The following MCTS1 variants were observed in gnomAD, a reference collection of about 807,000 sequenced individuals.
The protein encoded by MCTS1 is MCTS1 re-initiation and release factor.
For missense variants in MCTS1, 55 were observed against 128.6 expected (o/e 0.43, Z 2.77); for synonymous variants, 26 against 40.8 (o/e 0.64, Z 1.38).
rs1926995628 is a variant in MCTS1 at position 120,620,459 on chromosome X, TACAA to T, written c.*8197_*8200del. 6 of 5,900 alleles carry T rather than the reference TACAA, an allele frequency of 1.0e-3. No homozygotes were observed. The South Asian group carries it at 0.033, about 32-fold the overall frequency. The allele number at this position is 5,900 out of a possible 1,213,427, so 0.5% of individuals were successfully genotyped here. A position where few individuals can be genotyped will look rare whatever the true frequency, so the allele number is the denominator to read the frequency against. On this transcript the variant is annotated 3_prime_UTR_variant, in exon 6 of 6. Transcript: ENST00000371317. ...GGTGAAATCCTGTCTCTACTAAAAA[TACAA>T]AAAAAAAAAAAAAAAAAAAAATTAG...
rs541130604 is a variant in MCTS1 at position 120,612,928 on chromosome X, C to CTTT, written c.*678_*680dup. On this transcript the variant is annotated 3_prime_UTR_variant, in exon 6 of 6. Coordinates refer to ENST00000371317, the MANE Select transcript of MCTS1 (RefSeq NM_014060.3). ...TCATTTCATCCATAACTACTTTATTCTTTTTTTTTTTTTTTTGAAACAGGG... is the reference window on the plus strand; with the variant it reads ...TCATTTCATCCATAACTACTTTATTCTTTTTTTTTTTTTTTTTTTGAAACAGGG... Among the ~76,000 whole-genome samples the CTTT allele has an allele frequency of 1.1e-5, 1 of 93,135 alleles. No individual in the cohort carries two copies. Among genetic ancestry groups the CTTT allele is most frequent in the Non-Finnish European group, 2.1e-5 (1 of 46,688 alleles). The allele number at this position is 93,135 out of a possible 115,157, so 80.9% of individuals were successfully genotyped here.
Position 120,615,106 on chromosome X carries a change from A to AT in MCTS1, c.*2846dup, listed in dbSNP as rs1926810654. Among the ~76,000 whole-genome samples the AT allele has an allele frequency of 1.8e-5, 2 of 111,669 alleles. No homozygotes were observed. Among genetic ancestry groups the AT allele is most frequent in the Admixed American group, 1.9e-4 (2 of 10,428 alleles). On this transcript the variant is annotated 3_prime_UTR_variant, in exon 6 of 6. Transcript: ENST00000371317. ...TCACTCTACATGTGTGATCCTTGTCATTTTCTAAACATTAGGTCATACATG... is the reference window on the plus strand; with the variant it reads ...TCACTCTACATGTGTGATCCTTGTCATTTTTCTAAACATTAGGTCATACATG...
rs913153622 is a variant in MCTS1 at position 120,612,780 on chromosome X, T to C, written c.*516T>C. The stretch of plus-strand genomic sequence containing the variant: ...TAAACATATTAAGAAGTCTGGAGAA[T>C]AGTATAATGGACCTCTCCATATCCA... On this transcript the variant is annotated 3_prime_UTR_variant, in exon 6 of 6. Transcript: ENST00000371317. 7.3e-5 allele frequency among the ~76,000 whole-genome samples: 8 copies of C among 108,978 alleles called. No homozygotes were observed. The highest frequency in any genetic ancestry group is 1.5e-4 in the Non-Finnish European group (8 of 52,550). The allele number at this position is 108,978 out of a possible 115,157, so 94.6% of individuals were successfully genotyped here.
At chrX:120,607,613 T>C (rs995069337) in intron 3 of MCTS1, among the ~76,000 whole-genome samples, 3 of 111,888 alleles carry the variant, frequency 2.7e-5, no homozygotes, top group Non-Finnish European at 5.6e-5. Flanking sequence ...TTTGTAACAA[T>C]TGAACCAGCA....
In MCTS1 at chrX:120,604,435, C is replaced by T. The variant is rs184559610; in HGVS notation, c.11+188C>T. 543 of 594,461 alleles carry T rather than the reference C, an allele frequency of 9.1e-4. 8 individuals carry two copies. In the East Asian group the frequency reaches 0.018, roughly 20 times the overall value. The allele number at this position is 594,461 out of a possible 1,213,427, so 49.0% of individuals were successfully genotyped here. On this transcript the variant is annotated intron_variant, in intron 1 of 5. Transcript: ENST00000371317. ...TTCTTTAAGCTTTCCATCCGTAGTCCTTAATTGGGTTTCAGTCCCTCCACT... is the reference window on the plus strand; with the variant it reads ...TTCTTTAAGCTTTCCATCCGTAGTCTTTAATTGGGTTTCAGTCCCTCCACT...
intron 2 of MCTS1, 46 bp downstream of exon 2, chrX:120,605,605 T>C: frequency 8.9e-7 from 1 of 1,118,889 alleles, no homozygotes; most frequent in Non-Finnish European, 1.2e-6. Context: ...TAGCTGAATA[T>C]TTAATGATTA....
At chrX:120,605,358 A>G (rs369017745) in intron 1 of MCTS1, 49 bp from the exon 2 acceptor site, 4 of 1,086,021 alleles carry the variant, frequency 3.7e-6, no homozygotes. Flanking sequence ...GTATTCTGAT[A>G]CCTCTACTTA....
intron 4 of MCTS1, among the ~76,000 whole-genome samples, chrX:120,609,658 G>A (rs1002062744): frequency 8.9e-5 from 10 of 112,152 alleles, no homozygotes; most frequent in Non-Finnish European, 1.5e-4. Flanking sequence ...AATCAAGGGA[G>A]AAAAGTGAGG....
rs942372666 is a variant in MCTS1, at chrX:120,620,801, G to A, written c.*8537G>A. ...AAAGTCATGCAAGGAGATGGCCTGG[G>A]GCTTGCTAAAAGTCAGGTTGCAGTT... On this transcript the variant is annotated 3_prime_UTR_variant, in exon 6 of 6. Coordinates refer to ENST00000371317, the MANE Select transcript of MCTS1 (RefSeq NM_014060.3). The A allele has an allele frequency of 8.9e-6, 1 of 111,814 alleles. No homozygotes were observed. Among genetic ancestry groups the A allele is most frequent in the African/African-American group, 3.2e-5 (1 of 30,773 alleles). The allele number at this position is 111,814 out of a possible 1,213,427, so 9.2% of individuals were successfully genotyped here. A position where few individuals can be genotyped will look rare whatever the true frequency, so the allele number is the denominator to read the frequency against.
chrX:120,612,493 A>G lies in MCTS1; in HGVS notation c.*229A>G. On this transcript the variant is annotated 3_prime_UTR_variant, in exon 6 of 6. Coordinates refer to ENST00000371317, the MANE Select transcript of MCTS1 (RefSeq NM_014060.3). ...TCTGGTAAGTAAGCAAACTCATACA[A>G]CTAATGTCCTTTCTTAGGCTAATGA... 1 of 323,207 alleles carries G rather than the reference A, an allele frequency of 3.1e-6. No individual in the cohort carries two copies. The highest frequency in any genetic ancestry group is 5.5e-6 in the Non-Finnish European group (1 of 182,913). 26.6% of individuals were successfully genotyped at this position (323,207 alleles called of 1,213,427 possible).
At chrX:120,606,331 G>A (rs898267651) in intron 3 of MCTS1, among the ~76,000 whole-genome samples, 155 bp downstream of exon 3, 5 of 112,164 alleles carry the variant, frequency 4.5e-5, no homozygotes, top group Non-Finnish European at 7.5e-5. Context: ...CACAAAAAGA[G>A]TTTAGAGTGA....
At chrX:120,608,081 C>A (rs1926588598) in intron 3 of MCTS1, 144 bp from the exon 4 acceptor site, 1 of 472,051 alleles carries the variant, frequency 2.1e-6, no homozygotes, top group Non-Finnish European at 3.3e-6. Context: ...AAAAAGATTA[C>A]CAATTTGGTA....
Position 120,613,381 on chromosome X carries a change from T to C in MCTS1, c.*1117T>C, listed in dbSNP as rs750874536. ...TTTAAAAATTAGAAAAACCCCACAA[T>C]ACCATTATCACACCTAAAAAGTTGA... is the stretch of plus-strand genomic sequence containing the variant. On this transcript the variant is annotated 3_prime_UTR_variant, in exon 6 of 6. Coordinates refer to ENST00000371317, the MANE Select transcript of MCTS1 (RefSeq NM_014060.3). 8.9e-6 allele frequency among the ~76,000 whole-genome samples: 1 copy of C among 111,867 alleles called. No individual in the cohort carries two copies. The highest frequency in any genetic ancestry group is 9.5e-5 in the Admixed American group (1 of 10,503).
rs1166542283 is a variant in MCTS1 at position 120,616,522 on chromosome X, G to C, written c.*4258G>C. On this transcript the variant is annotated 3_prime_UTR_variant, in exon 6 of 6. Coordinates refer to ENST00000371317, the MANE Select transcript of MCTS1 (RefSeq NM_014060.3). ...AGATCAGGAATGAATGAAGAAAATTGAGGGCCAGTTTTTAAATCATTGTTG... is the reference window on the plus strand; with the variant it reads ...AGATCAGGAATGAATGAAGAAAATTCAGGGCCAGTTTTTAAATCATTGTTG... 9.0e-6 allele frequency among the ~76,000 whole-genome samples: 1 copy of C among 111,584 alleles called. No individual in the cohort carries two copies. Among genetic ancestry groups the C allele is most frequent in the Non-Finnish European group, 1.9e-5 (1 of 53,151 alleles).
At chrX:120,612,137 T>C (rs770803165) in intron 5 of MCTS1, 46 bp from the exon 6 acceptor site, 4 of 942,360 alleles carry the variant, frequency 4.2e-6, no homozygotes. Context: ...AGTAAGACTA[T>C]AAAAATGCAT....
Position 120,612,687 on chromosome X carries a change from A to ATG in MCTS1, c.*447_*448dup, listed in dbSNP as rs66864093. Among the ~76,000 whole-genome samples, 1,253 of 93,637 alleles carry ATG rather than the reference A, an allele frequency of 0.013. 12 individuals carry two copies. Among genetic ancestry groups the ATG allele is most frequent in the Non-Finnish European group, 0.018 (812 of 45,942 alleles). The allele number at this position is 93,637 out of a possible 115,157, so 81.3% of individuals were successfully genotyped here. On this transcript the variant is annotated 3_prime_UTR_variant, in exon 6 of 6. Transcript: ENST00000371317. ...TGTGTGTGTGTGTGTGTGTGTGTGT[A>ATG]TGTGTGTGTGTGTGTGTGTGTGTGT...
At chrX:120,606,740 C>T (rs1393210233) in intron 3 of MCTS1, among the ~76,000 whole-genome samples, 1 of 102,561 alleles carries the variant, frequency 9.8e-6, no homozygotes, top group East Asian at 3.0e-4. Flanking sequence ...GCAGAGATCA[C>T]GCCATTGCAC....
At position 120,619,510 on chromosome X, in the gene MCTS1, T is replaced by A. The variant is rs1258165833; in HGVS notation, c.*7246T>A. Among the ~76,000 whole-genome samples, 15 of 109,273 alleles carry A rather than the reference T, an allele frequency of 1.4e-4. No homozygotes were observed. The highest frequency in any genetic ancestry group is 5.7e-5 in the Non-Finnish European group (3 of 52,432). The allele number at this position is 109,273 out of a possible 115,157, so 94.9% of individuals were successfully genotyped here. On this transcript the variant is annotated 3_prime_UTR_variant, in exon 6 of 6. Transcript: ENST00000371317. ...AGGTCATACAACTTCAGGAAAGTTG[T>A]ATGACCTCTCTGAGGTAATAAATGG... is the stretch of plus-strand genomic sequence containing the variant.
At position 120,615,334 on chromosome X, in the gene MCTS1, T is replaced by C. The variant is rs1192817083; in HGVS notation, c.*3070T>C. ...CCAACCTACAATCTAGTAACTTGTG[T>C]ATTGGACTCACTTTTACTCAGACAA... is the stretch of plus-strand genomic sequence containing the variant. On this transcript the variant is annotated 3_prime_UTR_variant, in exon 6 of 6. Coordinates refer to ENST00000371317, the MANE Select transcript of MCTS1 (RefSeq NM_014060.3). 8.9e-6 allele frequency among the ~76,000 whole-genome samples: 1 copy of C among 111,892 alleles called. No homozygotes were observed. Among genetic ancestry groups the C allele is most frequent in the Non-Finnish European group, 1.9e-5 (1 of 53,201 alleles).
Sources: allele counts gnomAD v4.1 joint callset (sites outside exome capture counted in the v4.1 genomes callset), GRCh38; gene constraint gnomAD v4.1.1; transcripts MANE v1.5; gene names NCBI Gene and HGNC (gene_info 2026-07-23, HGNC 2026-07-21).